Variants in ERMP1 observed in about 807,000 individuals in gnomAD.
The protein encoded by ERMP1 is Felix-ina.
A neutral mutation model predicts 92.0 loss-of-function variants in ERMP1; 86 were observed. The observed-to-expected ratio is 0.93, with a 90% CI of 0.79 to 1.12. ERMP1 has a LOEUF of 1.12. Ranked by LOEUF, ERMP1 falls within the 50% of genes most tolerant of loss-of-function variation. ERMP1 has a pLI of 0.00. For missense variants in ERMP1, 1,342 were observed against 1,116.3 expected, an observed-to-expected ratio of 1.20 and a Z score of -2.88; for synonymous variants, 530 against 412.8, an observed-to-expected ratio of 1.28 and a Z score of -3.44.
At chr9:5,822,269 A>C (rs1295151985) in intron 4 of ERMP1, among the ~76,000 whole-genome samples, 1 of 152,036 alleles carries the variant, frequency 6.6e-6, no homozygotes, top group Non-Finnish European at 1.5e-5. Context: ...ATAAATAAAT[A>C]TATAGATATA....
intron 3 of ERMP1, among the ~76,000 whole-genome samples, chr9:5,824,857 C>T (rs1337380241): frequency 6.6e-6 from 1 of 152,158 alleles, no homozygotes; most frequent in Non-Finnish European, 1.5e-5. Flanking sequence ...GCCCTTCTCT[C>T]AATCAAATCC....
intron 5 of ERMP1, among the ~76,000 whole-genome samples, chr9:5,866,754 C>G (rs1830677267): frequency 6.6e-6 from 1 of 151,906 alleles, no homozygotes. Flanking sequence ...AGATGATGAC[C>G]CAGCTGTGGG....
At chr9:5,836,907 G>A (rs886918378), upstream of ERMP1, among the ~76,000 whole-genome samples, 1 of 152,154 alleles carries the variant, frequency 6.6e-6, no homozygotes, top group African/African-American at 2.4e-5. Context: ...CCTAGGGAGA[G>A]GGTAATTGCA....
chr9:5,843,635 C>T (rs552689677), intron 6 of ERMP1, among the ~76,000 whole-genome samples: 1 of 152,278 alleles, frequency 6.6e-6, no homozygotes, highest in South Asian at 2.1e-4. Context: ...TTGTCAAATG[C>T]CCCCCTCCCC....
chr9:5,847,751 C>CGG (rs1830256168), intron 6 of ERMP1, among the ~76,000 whole-genome samples: 5 of 151,566 alleles, frequency 3.3e-5, no homozygotes, highest in East Asian at 3.9e-4. Flanking sequence ...AAAAATTAGC[C>CGG]GGGCGTGGTG....
intron 6 of ERMP1, among the ~76,000 whole-genome samples, chr9:5,841,781 G>A (rs1178412917): frequency 6.6e-6 from 1 of 152,216 alleles, no homozygotes; most frequent in Admixed American, 6.5e-5. Flanking sequence ...TCCTTCAGGT[G>A]AGTTCTTGGT....
intron 13 of ERMP1, among the ~76,000 whole-genome samples, chr9:5,796,394 C>G (rs961486483): frequency 2.0e-5 from 3 of 152,182 alleles, no homozygotes; most frequent in African/African-American, 7.2e-5. Context: ...TCTTACAAAG[C>G]TAAACATAGG....
intron 4 of ERMP1, among the ~76,000 whole-genome samples, chr9:5,823,114 G>A (rs1829602346): frequency 6.6e-6 from 1 of 152,046 alleles, no homozygotes. Context: ...ATGGGAGCCT[G>A]TCTCTACAAA....
chr9:5,840,202 A>G (rs527760745), intron 6 of ERMP1, among the ~76,000 whole-genome samples: 2 of 152,262 alleles, frequency 1.3e-5, no homozygotes, highest in Non-Finnish European at 2.9e-5. Context: ...TGATGACACC[A>G]CTGCATTCCA....
At chr9:5,808,122 C>T (rs1415284511) in intron 8 of ERMP1, among the ~76,000 whole-genome samples, 1 of 152,168 alleles carries the variant, frequency 6.6e-6, no homozygotes, top group African/African-American at 2.4e-5. Context: ...CATGCCCAGT[C>T]TCTTATGGTA....
chr9:5,816,196 T>TTC (rs1323561782), intron 4 of ERMP1, among the ~76,000 whole-genome samples: 7 of 152,212 alleles, frequency 4.6e-5, no homozygotes, highest in East Asian at 1.9e-4. Context: ...TTAAATGCTA[T>TTC]ATTTGATCCT....
chr9:5,831,007 G>C lies in ERMP1; in HGVS notation c.360C>G (p.Thr120=). 6.2e-7 allele frequency: 1 copy of C among 1,613,576 alleles called. No homozygotes were observed. Among genetic ancestry groups the C allele is most frequent in the Non-Finnish European group, 8.5e-7 (1 of 1,179,662 alleles). ...TTCCTGTAGTCCTGGGGCCAATGGA[G>C]GTTATGTGTTCAAGATAATCCCTGG... is the stretch of plus-strand genomic sequence containing the variant. ...LQARDYLEHI[T]SIGPRTTGSP... The change falls in exon 2 of 15, where the codon ACC becomes ACG. Residue 120 remains threonine, a synonymous_variant. Transcript: ENST00000339450.
intron 6 of ERMP1, among the ~76,000 whole-genome samples, chr9:5,858,069 G>A (rs1284309344): frequency 6.6e-6 from 1 of 152,190 alleles, no homozygotes; most frequent in Non-Finnish European, 1.5e-5. Flanking sequence ...GGAAGTGGTT[G>A]AAAGACCTCA....
intron 4 of ERMP1, among the ~76,000 whole-genome samples, chr9:5,817,197 C>G (rs1586805601): frequency 6.7e-6 from 1 of 149,154 alleles, no homozygotes; most frequent in East Asian, 2.0e-4. Context: ...CGTGCCCAGC[C>G]TTTTTTTTGA....
chr9:5,800,291 C>T (rs1351744446), intron 11 of ERMP1, among the ~76,000 whole-genome samples: 2 of 152,110 alleles, frequency 1.3e-5, no homozygotes, highest in East Asian at 3.9e-4. Context: ...AACAATTTAG[C>T]CATCTCTAAC....
chr9:5,801,251 G>A lies in ERMP1; in HGVS notation c.1992C>T (p.Leu664=), dbSNP rs1336669515. The A allele has an allele frequency of 1.2e-6, 2 of 1,613,810 alleles. No homozygotes were observed. Among genetic ancestry groups the A allele is most frequent in the Admixed American group, 1.7e-5 (1 of 60,000 alleles). Residue 664 remains leucine (L), a synonymous_variant, in exon 11 of 15, where the codon CTC becomes CTT. Transcript: ENST00000339450. The part of the protein sequence containing the change: ...TLTLVCAITF[L]LVCSGTFFPY... ...GAAAAAATGTTCCACTGCAAACAAGGAGGAATGTAATTGCACATACCAAAG... is the reference window on the plus strand; with the variant it reads ...GAAAAAATGTTCCACTGCAAACAAGAAGGAATGTAATTGCACATACCAAAG...
intron 5 of ERMP1, among the ~76,000 whole-genome samples, chr9:5,867,066 C>T (rs984660109): frequency 6.6e-6 from 1 of 152,146 alleles, no homozygotes; most frequent in Non-Finnish European, 1.5e-5. Context: ...CATGCTGGCG[C>T]ACACCTATAG....
At chr9:5,850,405 C>CAAAAAAAAA (rs59464514) in intron 6 of ERMP1, among the ~76,000 whole-genome samples, 1 of 40,584 alleles carries the variant, frequency 2.5e-5, no homozygotes, top group Non-Finnish European at 4.0e-5. Context: ...AACTCCGTCT[C>CAAAAAAAAA]AAAAAAAAAA....
In ERMP1 at chr9:5,826,938, A is replaced by G. The variant is rs1340047293; in HGVS notation, c.641-1719T>C. On this transcript the variant is annotated intron_variant, in intron 2 of 14. Transcript: ENST00000339450. ...TAAAAGAGAACTACAGAAGAGTCAA[A>G]TATCTTTAAGAAAGGGAAGGAAAGT... 2.6e-5 allele frequency among the ~76,000 whole-genome samples: 4 copies of G among 152,318 alleles called. No individual in the cohort carries two copies. The East Asian group carries it at 5.8e-4, about 22-fold the overall frequency.
Sources: gnomAD v4.1 joint callset for allele counts (sites outside exome capture counted in the v4.1 genomes callset) on GRCh38, gnomAD v4.1.1 for gene constraint, MANE v1.5 for transcripts, NCBI Gene and HGNC (gene_info 2026-07-23, HGNC 2026-07-21) for gene names.